The following ASIC2 variants were observed in gnomAD, a reference collection of about 807,000 sequenced individuals.
The protein encoded by ASIC2 is acid sensing ion channel subunit 2, also known as acid-sensing ion channel 2.
A neutral mutation model predicts 57.3 loss-of-function variants in ASIC2; 25 were observed. The ratio of observed to expected loss-of-function variants is 0.44; its 90% CI spans 0.32 to 0.61. ASIC2 has a LOEUF of 0.61. ASIC2 is among the 20% of genes least tolerant of loss of function. The pLI is 0.06. For missense variants in ASIC2, 641 were observed against 738.1 expected, an observed-to-expected ratio of 0.87 and a Z score of 1.52; for synonymous variants, 319 against 307.5, an observed-to-expected ratio of 1.04 and a Z score of -0.39.
intron 1 of ASIC2, among the ~76,000 whole-genome samples, chr17:33,971,400 G>T (rs990693358): frequency 6.6e-6 from 1 of 152,112 alleles, no homozygotes; most frequent in Admixed American, 6.5e-5. Context: ...AAGTCTAAAG[G>T]CAACCAGGAG....
At chr17:33,351,381 C>T (rs576422652) in intron 1 of ASIC2, among the ~76,000 whole-genome samples, 10 of 152,240 alleles carry the variant, frequency 6.6e-5, no homozygotes, top group East Asian at 1.9e-4. Flanking sequence ...TTAGGCCAGA[C>T]GTTCATCTCT....
At chr17:33,842,586 C>T (rs575294574) in intron 1 of ASIC2, among the ~76,000 whole-genome samples, 7 of 152,210 alleles carry the variant, frequency 4.6e-5, no homozygotes, top group African/African-American at 1.7e-4. Flanking sequence ...TATTATGGGA[C>T]CTGGCAACAA....
intron 1 of ASIC2, among the ~76,000 whole-genome samples, chr17:33,198,610 A>G (rs1177657383): frequency 6.6e-6 from 1 of 152,140 alleles, no homozygotes; most frequent in Non-Finnish European, 1.5e-5. Flanking sequence ...GCATACTGTT[A>G]CCTTTTGAGG....
At chr17:34,028,704 G>A (rs916339595) in intron 1 of ASIC2, among the ~76,000 whole-genome samples, 1 of 152,206 alleles carries the variant, frequency 6.6e-6, no homozygotes. Context: ...TCCCACAGGT[G>A]TTCCTGGAGA....
At position 34,112,446 on chromosome 17, in the gene ASIC2, G is replaced by A. The variant is rs867406963; in HGVS notation, c.555+43532C>T. On this transcript the variant is annotated intron_variant, in intron 1 of 9. Coordinates refer to the ASIC2 transcript ENST00000359872. ...CAAAGTTTTCTGCAGATTTTCAGACGCAAGACAGGCCAAAAAAAAAAAAAA... is the reference window on the plus strand; with the variant it reads ...CAAAGTTTTCTGCAGATTTTCAGACACAAGACAGGCCAAAAAAAAAAAAAA... 4.2e-5 allele frequency among the ~76,000 whole-genome samples: 6 copies of A among 143,908 alleles called. 1 individual carries two copies. The highest frequency in any genetic ancestry group is 3.5e-4 in the Admixed American group (5 of 14,202). 94.4% of individuals were successfully genotyped at this position (143,908 alleles called of 152,430 possible). A position where few individuals can be genotyped will look rare whatever the true frequency, so the allele number is the denominator to read the frequency against.
intron 1 of ASIC2, among the ~76,000 whole-genome samples, chr17:33,611,522 G>C (rs1905410221): frequency 6.6e-6 from 1 of 152,204 alleles, no homozygotes; most frequent in Admixed American, 6.5e-5. Flanking sequence ...TCACTGGTCT[G>C]TAGGTTGACT....
At chr17:33,253,800 A>G (rs1207336617) in intron 1 of ASIC2, among the ~76,000 whole-genome samples, 1 of 152,202 alleles carries the variant, frequency 6.6e-6, no homozygotes, top group Non-Finnish European at 1.5e-5. Flanking sequence ...TTTTCCAAGT[A>G]TAAAATGTGG....
rs1904717687 is a variant in ASIC2, at chr17:34,156,268, C to T, written c.265G>A (p.Val89Met). The stretch of plus-strand genomic sequence containing the variant: ...AAGCCATTCAGGTTACAGAGGGTCA[C>T]AGCTGGGAAGACCAGGCTTTGAGCC... The change falls in exon 1 of 10, where the codon GTG becomes ATG. Residue 89 changes from valine (V) to methionine (M), a missense_variant. Physicochemically the swap from Val to Met is conservative, Grantham distance 21. Coordinates refer to the ASIC2 transcript ENST00000359872. This position sits in a 1 kb window ranked among gnomAD's most constrained non-coding sequence, Gnocchi z 4.4. The T allele has an allele frequency of 6.2e-7, 1 of 1,614,106 alleles. No individual in the cohort carries two copies. Among genetic ancestry groups the T allele is most frequent in the Non-Finnish European group, 8.5e-7 (1 of 1,180,058 alleles).
chr17:33,493,809 G>T lies in ASIC2; in HGVS notation c.556-381742C>A, dbSNP rs111804866. On this transcript the variant is annotated intron_variant, in intron 1 of 9. Transcript: ENST00000359872. ...CTGGAGAGACACTTCCAGGCCAGCT[G>T]CATTCAAGCCCACAAAACTCAAAAA... Among the ~76,000 whole-genome samples the T allele has an allele frequency of 4.8e-3, 734 of 152,248 alleles. 9 individuals carry two copies. Among genetic ancestry groups the T allele is most frequent in the African/African-American group, 0.017 (704 of 41,520 alleles).
intron 1 of ASIC2, among the ~76,000 whole-genome samples, chr17:33,390,884 C>T (rs972344292): frequency 3.3e-5 from 5 of 152,202 alleles, no homozygotes; most frequent in Non-Finnish European, 7.3e-5. Flanking sequence ...AAGCATGGCA[C>T]TCAAGGCTAA....
intron 1 of ASIC2, among the ~76,000 whole-genome samples, chr17:33,264,199 C>A (rs1429426074): frequency 6.6e-6 from 1 of 152,230 alleles, no homozygotes; most frequent in East Asian, 1.9e-4. Flanking sequence ...CACTACCACA[C>A]ACAGATGTAG....
At chr17:34,067,374 AAATTTTTTTAAAAATGG>A (rs2142065010) in intron 1 of ASIC2, among the ~76,000 whole-genome samples, 1 of 152,334 alleles carries the variant, frequency 6.6e-6, no homozygotes, top group South Asian at 2.1e-4. Flanking sequence ...AAAGGAAAGC[AAATTTTTTTAAAAATGG>A]AATTTTTTTG....
intron 1 of ASIC2, among the ~76,000 whole-genome samples, chr17:33,913,558 CACT>C (rs1450834445): frequency 2.0e-5 from 3 of 152,162 alleles, no homozygotes; most frequent in Admixed American, 6.5e-5. Flanking sequence ...TCCAGGACTT[CACT>C]ACCATTAGCT....
intron 1 of ASIC2, among the ~76,000 whole-genome samples, chr17:33,183,471 T>G (rs1050623477): frequency 2.0e-5 from 3 of 152,134 alleles, no homozygotes; most frequent in African/African-American, 7.2e-5. Flanking sequence ...AAGTTGCTGA[T>G]GCATGAAAAG....
chr17:33,120,179 C>A (rs755263187), intron 1 of ASIC2, among the ~76,000 whole-genome samples: 1 of 152,066 alleles, frequency 6.6e-6, no homozygotes, highest in Non-Finnish European at 1.5e-5. Context: ...GTAACGTGAC[C>A]CCCTTCTCCA....
intron 1 of ASIC2, among the ~76,000 whole-genome samples, chr17:33,965,538 G>C (rs1163819208): frequency 1.3e-5 from 2 of 152,128 alleles, no homozygotes; most frequent in African/African-American, 4.8e-5. Context: ...GGTTGTTCCG[G>C]CCTCCCATAC....
chr17:33,771,005 C>G (rs1911088368), intron 1 of ASIC2, among the ~76,000 whole-genome samples: 1 of 152,162 alleles, frequency 6.6e-6, no homozygotes, highest in African/African-American at 2.4e-5. Flanking sequence ...CTAAAGGGGA[C>G]AGTGGGGATT....
intron 1 of ASIC2, chr17:33,580,422 G>A (rs35452119): frequency 0.093 from 14,111 of 152,172 alleles, 1,334 homozygotes; most frequent in African/African-American, 0.24. Flanking sequence ...AGTAGAAACC[G>A]CACTACAGGT....
At chr17:34,069,806 A>T (rs750024094) in intron 1 of ASIC2, 2 of 152,222 alleles carry the variant, frequency 1.3e-5, no homozygotes, top group Non-Finnish European at 2.9e-5. Flanking sequence ...TTGCAGAATG[A>T]TATGAAGACA....
Sources: gnomAD v4.1 joint callset for allele counts (sites outside exome capture counted in the v4.1 genomes callset) on GRCh38, gnomAD v4.1.1 for gene constraint, Gnocchi (gnomAD v3.1) non-coding constraint, MANE v1.5 for transcripts, NCBI Gene and HGNC (gene_info 2026-07-23, HGNC 2026-07-21) for gene names.